RAD52: variants seen among roughly 807,000 people sequenced by gnomAD.
RAD52 encodes the protein DNA repair protein RAD52 homolog.
In RAD52, 47 loss-of-function variants were observed where a neutral mutation model predicts 55.5. The observed-to-expected ratio is 0.85, with a 90% CI of 0.67 to 1.08. The LOEUF is 1.08. Ranked by LOEUF, RAD52 falls within the 50% of genes least tolerant of loss-of-function variation. RAD52 has a pLI of 0.00. For synonymous variants in RAD52, 184 were observed against 198.9 expected, an observed-to-expected ratio of 0.92 and a Z score of 0.63; for missense variants, 468 against 522.8, an observed-to-expected ratio of 0.90 and a Z score of 1.02.
intron 6 of RAD52, among the ~76,000 whole-genome samples, chr12:926,343 A>T (rs80234842): frequency 9.5e-4 from 57 of 59,892 alleles, no homozygotes; most frequent in East Asian, 2.1e-3. Flanking sequence ...AAAAAAAAAA[A>T]TTTTTTTTTA....
At chr12:979,794 T>A (rs1303221402) in intron 1 of RAD52, among the ~76,000 whole-genome samples, 1 of 152,130 alleles carries the variant, frequency 6.6e-6, no homozygotes, top group Admixed American at 6.6e-5. Context: ...CTGCCTGTAA[T>A]CCCAGCACTT....
chr12:920,847 A>G (rs769042950), intron 7 of RAD52, among the ~76,000 whole-genome samples: 4 of 152,232 alleles, frequency 2.6e-5, no homozygotes, highest in African/African-American at 4.8e-5. Flanking sequence ...CAGAAAATAC[A>G]TTCTTCTCAA....
In RAD52 at chr12:930,980, A is replaced by T. The variant is rs868137460; in HGVS notation, c.186+240T>A. 4.0e-5 allele frequency among the ~76,000 whole-genome samples: 6 copies of T among 151,670 alleles called. 1 individual carries two copies. In the South Asian group the frequency reaches 1.2e-3, roughly 32 times the overall value. ...AGCAAGACCCTGTCTTTAAAAATAA[A>T]AAAAAAAAAAGATGATGTAAAAATC... is the stretch of plus-strand genomic sequence containing the variant. On this transcript the variant is annotated intron_variant, in intron 3 of 11. Coordinates refer to ENST00000358495, the MANE Select transcript of RAD52 (RefSeq NM_134424.4).
At chr12:967,934 C>T (rs1342214723) in intron 1 of RAD52, among the ~76,000 whole-genome samples, 4 of 152,050 alleles carry the variant, frequency 2.6e-5, no homozygotes, top group East Asian at 1.9e-4. Flanking sequence ...CCTCCCACCT[C>T]GGCCTCCCAA....
intron 1 of RAD52, among the ~76,000 whole-genome samples, chr12:963,646 T>C (rs749096934): frequency 2.0e-5 from 3 of 152,130 alleles, no homozygotes; most frequent in Non-Finnish European, 2.9e-5. Flanking sequence ...TTTTTGTTGA[T>C]ACTATAAATA....
At chr12:943,293 G>A (rs994314600) in intron 1 of RAD52, among the ~76,000 whole-genome samples, 13 of 152,182 alleles carry the variant, frequency 8.5e-5, no homozygotes, top group African/African-American at 2.9e-4. Context: ...CTCCAAGGAC[G>A]GAGCCACACG....
rs1274210431 is a variant in RAD52 at position 912,079 on chromosome 12, A to T, written c.*1312T>A. ...CATTATTTTGGGGGAAGAATTATGAAACATCTGAGCACTATGAAAAGCCAA... is the reference window on the plus strand; with the variant it reads ...CATTATTTTGGGGGAAGAATTATGATACATCTGAGCACTATGAAAAGCCAA... On this transcript the variant is annotated 3_prime_UTR_variant, in exon 12 of 12. Coordinates refer to ENST00000358495, the MANE Select transcript of RAD52 (RefSeq NM_134424.4). 5.0e-6 allele frequency: 1 copy of T among 201,046 alleles called. No homozygotes were observed. The highest frequency in any genetic ancestry group is 7.6e-5 in the East Asian group (1 of 13,100). 12.5% of individuals were successfully genotyped at this position (201,046 alleles called of 1,614,324 possible).
At chr12:957,395 G>A (rs1365093324) in intron 1 of RAD52, among the ~76,000 whole-genome samples, 9 of 150,030 alleles carry the variant, frequency 6.0e-5, no homozygotes, top group Non-Finnish European at 1.3e-4. Context: ...CCCGGGAGGC[G>A]GAGGAGGTTG....
intron 1 of RAD52, among the ~76,000 whole-genome samples, chr12:983,006 G>A (rs991558756): frequency 3.3e-5 from 5 of 152,054 alleles, no homozygotes; most frequent in African/African-American, 1.2e-4. Flanking sequence ...TGTGCCACCA[G>A]GCCTGGCTAA....
intron 3 of RAD52, 81 bp from the exon 4 acceptor site, chr12:930,225 A>C (rs1957255738): frequency 1.8e-6 from 2 of 1,132,188 alleles, no homozygotes; most frequent in Middle Eastern, 2.9e-4. Flanking sequence ...GACATAATTT[A>C]TTCCTCATCT....
In RAD52 at chr12:916,457, C is replaced by G; in HGVS notation, c.752G>C (p.Ser251Thr). The G allele has an allele frequency of 6.2e-7, 1 of 1,607,592 alleles. No homozygotes were observed. Residue 251 changes from serine (S) to threonine (T), a missense_variant, in exon 9 of 12, where the codon AGC becomes ACC. Coordinates refer to ENST00000358495, the MANE Select transcript of RAD52 (RefSeq NM_134424.4). ...GAGCTTCCGCTGGTGCGTGGCCTCG[C>G]TCTCCACGGCGGATGAGCTCAGGCT... ...SRSLSSSAVE[S>T]EATHQRKLRQ... is the part of the protein sequence containing the mutation.
intron 1 of RAD52, among the ~76,000 whole-genome samples, chr12:959,832 G>A (rs944934642): frequency 6.6e-6 from 1 of 152,166 alleles, no homozygotes; most frequent in Non-Finnish European, 1.5e-5. Flanking sequence ...GCTTCTGGGT[G>A]GTTAAGCTGA....
intron 1 of RAD52, among the ~76,000 whole-genome samples, chr12:939,018 T>C (rs1287212922): frequency 1.3e-5 from 2 of 151,308 alleles, no homozygotes; most frequent in Non-Finnish European, 2.9e-5. Context: ...AAGTGTCATG[T>C]TTTCTGCAAC....
chr12:976,812 T>A (rs10774479), intron 1 of RAD52: 114,997 of 152,072 alleles, frequency 0.76, 45,840 homozygotes, highest in East Asian at 0.98. Context: ...ACAGAACAAA[T>A]GACATCTTTT....
chr12:935,371 C>T (rs939778068), intron 1 of RAD52, among the ~76,000 whole-genome samples: 2 of 144,874 alleles, frequency 1.4e-5, no homozygotes, highest in South Asian at 4.6e-4. Flanking sequence ...ATCACCATCA[C>T]CTGTGAATCT....
chr12:950,529 C>T (rs11571374), upstream of RAD52, among the ~76,000 whole-genome samples: 2,310 of 150,150 alleles, frequency 0.015, 30 homozygotes, highest in Middle Eastern at 0.048. Flanking sequence ...CCGAGATCGC[C>T]CCACTGCACT....
At chr12:938,965 C>G (rs1241058333) in intron 1 of RAD52, among the ~76,000 whole-genome samples, 1 of 151,584 alleles carries the variant, frequency 6.6e-6, no homozygotes, top group East Asian at 1.9e-4. Context: ...GGACAATGGC[C>G]TATCACTAGA....
chr12:957,498 C>T (rs1488431770), intron 1 of RAD52, among the ~76,000 whole-genome samples: 1 of 138,354 alleles, frequency 7.2e-6, no homozygotes. Context: ...AAAGAATTGT[C>T]ATTTTGTATG....
At position 927,162 on chromosome 12, in the gene RAD52, C is replaced by T. The variant is rs1204324477; in HGVS notation, c.450G>A (p.Gly150=). Residue 150 remains glycine (G), a synonymous_variant, in exon 6 of 12, where the codon GGG becomes GGA. Coordinates refer to ENST00000358495, the MANE Select transcript of RAD52 (RefSeq NM_134424.4). ...EKARKEAVTD[G]LKRALRSFGN... is the part of the protein sequence containing the mutation. ...GCGCTCACCTGAGGGCTCGCTTCAG[C>T]CCGTCTGTCACCGCCTCCTTCCTTG... 1 of 1,614,052 alleles carries T rather than the reference C, an allele frequency of 6.2e-7. No individual in the cohort carries two copies. The highest frequency in any genetic ancestry group is 1.3e-5 in the African/African-American group (1 of 75,052).
Sources: allele counts gnomAD v4.1 joint callset (sites outside exome capture counted in the v4.1 genomes callset), GRCh38; gene constraint gnomAD v4.1.1; transcripts MANE v1.5; gene names NCBI Gene and HGNC (gene_info 2026-07-23, HGNC 2026-07-21).